The following MACROD2 variants were observed in gnomAD, a reference collection of about 807,000 sequenced individuals.
MACROD2 encodes the protein mono-ADP ribosylhydrolase 2.
Under a neutral mutation model 70.4 loss-of-function variants are expected in MACROD2, and 36 were observed. That is an observed-to-expected ratio of 0.51 (90% CI 0.39 to 0.68). MACROD2 has a LOEUF of 0.68. Ranked by LOEUF, MACROD2 falls within the 30% of genes least tolerant of loss-of-function variation. MACROD2 has a pLI of 0.00. For synonymous variants in MACROD2, 172 were observed against 178.8 expected (o/e 0.96, Z 0.30); for missense variants, 496 against 538.4 (o/e 0.92, Z 0.78).
chr20:15,231,510 T>C (rs2076958946), intron 6 of MACROD2, among the ~76,000 whole-genome samples: 1 of 152,034 alleles, frequency 6.6e-6, no homozygotes, highest in African/African-American at 2.4e-5. Flanking sequence ...AATATGGATT[T>C]TGAGGCCTGA....
chr20:14,595,523 A>G (rs1257848618), intron 4 of MACROD2, among the ~76,000 whole-genome samples: 2 of 152,182 alleles, frequency 1.3e-5, no homozygotes, highest in Non-Finnish European at 2.9e-5. Flanking sequence ...GGCTGTCTCA[A>G]TAACATAGCT....
Position 14,371,522 on chromosome 20 carries a change from G to A in MACROD2, c.272-121957G>A, listed in dbSNP as rs147851926. Reference sequence around the variant, plus strand: ...AAAAAAAAGAAGAAATAATAACTTTGATCATATTTTGTTTGTATCCATTTG... The same window carrying A: ...AAAAAAAAGAAGAAATAATAACTTTAATCATATTTTGTTTGTATCCATTTG... On this transcript the variant is annotated intron_variant, in intron 3 of 17. Coordinates refer to ENST00000684519, the MANE Select transcript of MACROD2 (RefSeq NM_001351661.2). 1.3e-3 allele frequency among the ~76,000 whole-genome samples: 201 copies of A among 152,088 alleles called. 1 individual carries two copies. Among genetic ancestry groups the A allele is most frequent in the African/African-American group, 4.7e-3 (196 of 41,518 alleles).
intron 8 of MACROD2, among the ~76,000 whole-genome samples, chr20:15,607,395 C>T (rs1253570249): frequency 6.6e-6 from 1 of 152,208 alleles, no homozygotes; most frequent in Non-Finnish European, 1.5e-5. Context: ...CTTTCCTGTT[C>T]ACAGTGACCC....
intron 8 of MACROD2, among the ~76,000 whole-genome samples, chr20:15,603,644 A>T (rs2146693641): frequency 6.6e-6 from 1 of 152,334 alleles, no homozygotes; most frequent in Non-Finnish European, 1.5e-5. Flanking sequence ...TGCAGGAGCC[A>T]TGGGCTTTTT....
At chr20:14,544,400 C>T (rs1371130245) in intron 4 of MACROD2, among the ~76,000 whole-genome samples, 1 of 152,000 alleles carries the variant, frequency 6.6e-6, no homozygotes, top group East Asian at 1.9e-4. Context: ...TGATCTAGAT[C>T]TCAGCAACTT....
chr20:15,385,958 A>C (rs960777207), intron 6 of MACROD2, among the ~76,000 whole-genome samples: 3 of 152,190 alleles, frequency 2.0e-5, no homozygotes, highest in African/African-American at 4.8e-5. Context: ...CTGGGTCACG[A>C]GAGCTAAAAT....
At chr20:14,489,141 A>C (rs1392974208) in intron 3 of MACROD2, among the ~76,000 whole-genome samples, 1 of 152,230 alleles carries the variant, frequency 6.6e-6, no homozygotes, top group African/African-American at 2.4e-5. Context: ...CCTGGTTTCT[A>C]CATGTGAATC....
chr20:14,584,480 C>G (rs6074762), intron 4 of MACROD2, among the ~76,000 whole-genome samples: 1 of 152,056 alleles, frequency 6.6e-6, no homozygotes, highest in Non-Finnish European at 1.5e-5. Context: ...GGCCCTCCCC[C>G]TAGTTTGCAG....
intron 4 of MACROD2, among the ~76,000 whole-genome samples, chr20:14,529,859 T>C (rs756095073): frequency 2.6e-5 from 4 of 152,166 alleles, no homozygotes; most frequent in Non-Finnish European, 5.9e-5. Context: ...TCAGAAAGAT[T>C]CATTTTTGAG....
At chr20:14,362,194 A>G (rs2083228271) in intron 3 of MACROD2, among the ~76,000 whole-genome samples, 1 of 152,238 alleles carries the variant, frequency 6.6e-6, no homozygotes, top group South Asian at 2.1e-4. Context: ...GTTAATAATA[A>G]TAACTTACTA....
chr20:15,540,797 G>C (rs1044762148), intron 8 of MACROD2, among the ~76,000 whole-genome samples: 1 of 151,886 alleles, frequency 6.6e-6, no homozygotes, highest in African/African-American at 2.4e-5. Context: ...GCAGTTTGTT[G>C]ACAGTCTTTC....
At chr20:14,967,663 T>G (rs1023813951) in intron 5 of MACROD2, among the ~76,000 whole-genome samples, 2 of 152,212 alleles carry the variant, frequency 1.3e-5, no homozygotes, top group African/African-American at 4.8e-5. Context: ...GTTTCCTGTT[T>G]AAGTAAACTT....
At chr20:15,469,433 T>C (rs954152735) in intron 7 of MACROD2, among the ~76,000 whole-genome samples, 1 of 152,096 alleles carries the variant, frequency 6.6e-6, no homozygotes, top group Non-Finnish European at 1.5e-5. Flanking sequence ...AGTTGTGAAA[T>C]ACAAGTGGGT....
intron 3 of MACROD2, among the ~76,000 whole-genome samples, chr20:14,455,099 A>T (rs2084286818): frequency 6.6e-6 from 1 of 151,840 alleles, no homozygotes; most frequent in Non-Finnish European, 1.5e-5. Flanking sequence ...GGCATACAAA[A>T]CACATACAAA....
intron 3 of MACROD2, among the ~76,000 whole-genome samples, chr20:14,454,217 T>C (rs1219621321): frequency 6.6e-6 from 1 of 152,020 alleles, no homozygotes; most frequent in Non-Finnish European, 1.5e-5. Flanking sequence ...TTCTTTCTTA[T>C]AAAATTTCTA....
chr20:15,355,618 G>T (rs1600284847), intron 6 of MACROD2, among the ~76,000 whole-genome samples: 1 of 152,240 alleles, frequency 6.6e-6, no homozygotes, highest in Non-Finnish European at 1.5e-5. Context: ...TTGGAGATTA[G>T]GCTGGTCCAA....
intron 8 of MACROD2, among the ~76,000 whole-genome samples, chr20:15,851,791 G>A (rs912704317): frequency 5.1e-4 from 78 of 152,234 alleles, no homozygotes; most frequent in African/African-American, 1.8e-3. Context: ...GAGAAGCAGC[G>A]TGGGTGAGGT....
chr20:15,182,627 G>A (rs147898144), intron 5 of MACROD2, among the ~76,000 whole-genome samples: 1 of 152,170 alleles, frequency 6.6e-6, no homozygotes, highest in East Asian at 1.9e-4. Flanking sequence ...GAGGCATGCA[G>A]GTGTGTTCCC....
intron 13 of MACROD2, among the ~76,000 whole-genome samples, chr20:15,980,898 C>G (rs932249723): frequency 5.3e-5 from 8 of 152,264 alleles, no homozygotes; most frequent in Middle Eastern, 3.4e-3. Flanking sequence ...AGCTTGCAAC[C>G]GTATGACTCT....
Sources: gnomAD v4.1 joint callset for allele counts (sites outside exome capture counted in the v4.1 genomes callset) on GRCh38, gnomAD v4.1.1 for gene constraint, MANE v1.5 for transcripts, NCBI Gene and HGNC (gene_info 2026-07-23, HGNC 2026-07-21) for gene names.